The following MNS1 variants were observed in gnomAD, a reference collection of about 807,000 sequenced individuals.
MNS1 encodes meiosis specific nuclear structural 1.
Under a neutral mutation model 72.0 loss-of-function variants are expected in MNS1, and 63 were observed. That is an observed-to-expected ratio of 0.87 (90% confidence interval 0.71 to 1.08). MNS1 has a LOEUF of 1.08. Among genes scored for constraint, MNS1 ranks in the 50% least tolerant of loss-of-function variants. The probability of loss-of-function intolerance (pLI) is 0.00; values close to 1 mark genes in which losing one functional copy is unlikely to be tolerated. For synonymous variants in MNS1, 188 were observed against 172.1 expected (o/e 1.09, Z -0.72); for missense variants, 604 against 562.4 (o/e 1.07, Z -0.75).
At chr15:56,455,247 GAAAAA>G (rs56339584) in intron 3 of MNS1, among the ~76,000 whole-genome samples, 16 of 82,910 alleles carry the variant, frequency 1.9e-4, no homozygotes, top group South Asian at 8.6e-4. Context: ...ATCGTCAGGT[GAAAAA>G]AAAAAAAAAA....
chr15:56,464,935 T>C, intron 1 of MNS1, 35 bp downstream of exon 1: 4 of 1,610,842 alleles, frequency 2.5e-6, no homozygotes, highest in Non-Finnish European at 3.4e-6. Context: ...AAATCAACAA[T>C]AAACAAGTAG....
At chr15:56,460,108 C>T (rs1309124258) in intron 2 of MNS1, among the ~76,000 whole-genome samples, 1 of 143,842 alleles carries the variant, frequency 7.0e-6, no homozygotes, top group Non-Finnish European at 1.5e-5. Flanking sequence ...AATAATGGGT[C>T]ATTGTTCCAA....
chr15:56,463,957 A>T, intron 2 of MNS1, 69 bp downstream of exon 2: 1 of 1,263,678 alleles, frequency 7.9e-7, no homozygotes, highest in Non-Finnish European at 1.1e-6. Context: ...TTCCAGCATT[A>T]ACAGCTGACT....
intron 2 of MNS1, 136 bp downstream of exon 2, chr15:56,463,890 A>T (rs2051039734): frequency 1.4e-6 from 1 of 693,838 alleles, no homozygotes; most frequent in Non-Finnish European, 2.4e-6. Flanking sequence ...TTACGATTAC[A>T]CCGAGCTGAG....
At chr15:56,447,180 C>T (rs2050911929) in intron 3 of MNS1, 2 of 355,426 alleles carry the variant, frequency 5.6e-6, no homozygotes, top group South Asian at 1.0e-4. Context: ...GTTTGCTTAT[C>T]CTGTGTCAAT....
At chr15:56,442,038 TAAAA>T (rs2050824448) in intron 7 of MNS1, among the ~76,000 whole-genome samples, 1 of 150,978 alleles carries the variant, frequency 6.6e-6, no homozygotes, top group East Asian at 1.9e-4. Flanking sequence ...AATAATAAAA[TAAAA>T]TAAATAAATA....
rs2050878954 is a variant in MNS1, at chr15:56,444,750, T to C, written c.457-77A>G. On this transcript the variant is annotated intron_variant, in intron 4 of 9. Coordinates refer to ENST00000260453, the MANE Select transcript of MNS1 (RefSeq NM_018365.4). ...GATAGTATATTTTACACCAATGTTA[T>C]TGAATATTATAAAGTCTTTTACATA... The C allele has an allele frequency of 6.7e-6, 8 of 1,192,322 alleles. 1 individual carries two copies. Among genetic ancestry groups the C allele is most frequent in the South Asian group, 5.6e-5 (4 of 71,118 alleles). The allele number at this position is 1,192,322 out of a possible 1,614,324, so 73.9% of individuals were successfully genotyped here. A position where few individuals can be genotyped will look rare whatever the true frequency, so the allele number is the denominator to read the frequency against.
At chr15:56,460,005 A>ATATATATATATATAT (rs1374166252) in intron 2 of MNS1, among the ~76,000 whole-genome samples, 23 of 30,506 alleles carry the variant, frequency 7.5e-4, no homozygotes, top group African/African-American at 2.4e-3. Flanking sequence ...AAAAAAAAAA[A>ATATATATATATATAT]AAAAATACAT....
chr15:56,464,649 C>G (rs2051046687), intron 1 of MNS1, among the ~76,000 whole-genome samples: 1 of 152,082 alleles, frequency 6.6e-6, no homozygotes, highest in Non-Finnish European at 1.5e-5. Context: ...GTCAGATTTT[C>G]CTAACATAAA....
rs1193762197 is a variant in MNS1 at position 56,443,445 on chromosome 15, A to G, written c.996T>C (p.Tyr332=). 6.3e-7 allele frequency: 1 copy of G among 1,582,252 alleles called. No individual in the cohort carries two copies. Among genetic ancestry groups the G allele is most frequent in the African/African-American group, 1.4e-5 (1 of 72,994 alleles). Residue 332 remains tyrosine (Y), a synonymous_variant, in exon 7 of 10, where the codon TAT becomes TAC. Transcript: ENST00000260453. Reference sequence around the variant, plus strand: ...TGAAACTTACTTTTAGCTTGCTCTTATATATTTCAGCTTGTTCTTCCTGGT... The same window carrying G: ...TGAAACTTACTTTTAGCTTGCTCTTGTATATTTCAGCTTGTTCTTCCTGGT... The part of the protein sequence containing the change: ...ELYQEEQAEI[Y]KSKLKEEAEK...
chr15:56,434,997 A>C (rs1259683497), intron 7 of MNS1, among the ~76,000 whole-genome samples: 1 of 152,134 alleles, frequency 6.6e-6, no homozygotes, highest in Non-Finnish European at 1.5e-5. Context: ...TTTATTATGA[A>C]AAATTTCATA....
chr15:56,458,416 A>G (rs79010825), intron 2 of MNS1, among the ~76,000 whole-genome samples: 8,807 of 152,204 alleles, frequency 0.058, 662 homozygotes, highest in East Asian at 0.37. Context: ...TTAGACTGGT[A>G]CATTTGTTAC....
intron 2 of MNS1, among the ~76,000 whole-genome samples, chr15:56,461,176 T>C (rs1207674441): frequency 2.0e-5 from 3 of 152,176 alleles, no homozygotes; most frequent in Non-Finnish European, 4.4e-5. Flanking sequence ...ATGTGCTTTA[T>C]ACTCAGTCTA....
intron 1 of MNS1, 46 bp downstream of exon 1, chr15:56,464,924 T>G (rs764511040): frequency 6.2e-7 from 1 of 1,608,416 alleles, no homozygotes; most frequent in African/African-American, 1.3e-5. Context: ...AAACTAGAAT[T>G]AAATCAACAA....
intron 8 of MNS1, among the ~76,000 whole-genome samples, chr15:56,432,131 A>G (rs1399239671): frequency 2.0e-5 from 3 of 152,284 alleles, no homozygotes; most frequent in Non-Finnish European, 2.9e-5. Flanking sequence ...AGATACAGGA[A>G]AGTTCTGTAA....
chr15:56,445,919 G>A (rs1379818995), intron 4 of MNS1: 1 of 152,002 alleles, frequency 6.6e-6, no homozygotes, highest in African/African-American at 2.4e-5. Context: ...AAAGGACAGC[G>A]CTATATGGCT....
intron 3 of MNS1, among the ~76,000 whole-genome samples, chr15:56,450,724 G>T (rs1365319208): frequency 6.6e-6 from 1 of 152,098 alleles, no homozygotes; most frequent in Non-Finnish European, 1.5e-5. Flanking sequence ...TTGTATACAA[G>T]TATCCATTTA....
rs766040242 is a variant in MNS1 at position 56,434,163 on chromosome 15, C to T, written c.1244G>A (p.Arg415His). ...RRAVEKLIEE[R>H]RQQFLADKQR... ...TTTGTCTGCAAGGAATTGTTGGCGA[C>T]GCTCTTCAATAAGTTTTTCCACAGC... is the stretch of plus-strand genomic sequence containing the variant. The change falls in exon 8 of 10, where the codon CGT becomes CAT. Residue 415 changes from arginine to histidine, a missense_variant. By Grantham distance (29) the Arg-to-His change is conservative. Transcript: ENST00000260453. 21 of 1,612,976 alleles carry T rather than the reference C, an allele frequency of 1.3e-5. No homozygotes were observed. The highest frequency in any genetic ancestry group is 8.4e-5 in the Admixed American group (5 of 59,848).
Position 56,465,047 on chromosome 15 carries a change from C to G in MNS1, c.-75G>C. 2 of 1,576,618 alleles carry G rather than the reference C, an allele frequency of 1.3e-6. No homozygotes were observed. Among genetic ancestry groups the G allele is most frequent in the East Asian group, 4.6e-5 (2 of 43,634 alleles). The stretch of plus-strand genomic sequence containing the variant: ...CCGCCGCAAACGCAGCAGCCAGCAG[C>G]CCCAAGGAGCGCACCTGGCTGCGCG... On this transcript the variant is annotated 5_prime_UTR_variant, in exon 1 of 10. Transcript: ENST00000260453.
Sources: gnomAD v4.1 joint callset for allele counts (sites outside exome capture counted in the v4.1 genomes callset) on GRCh38, gnomAD v4.1.1 for gene constraint, MANE v1.5 for transcripts, NCBI Gene and HGNC (gene_info 2026-07-23, HGNC 2026-07-21) for gene names.